The following GNAL variants were observed in gnomAD, a reference collection of about 807,000 sequenced individuals.
GNAL encodes the protein guanine nucleotide-binding protein G(olf) subunit alpha.
Under a neutral mutation model 55.1 loss-of-function variants are expected in GNAL, and 18 were observed. The observed-to-expected ratio is 0.33, with a 90% CI of 0.23 to 0.48. GNAL has a LOEUF of 0.48. Ranked by LOEUF, GNAL falls within the 20% of genes least tolerant of loss-of-function variation. GNAL has a pLI of 0.99. For missense variants in GNAL, 412 were observed against 614.1 expected, an observed-to-expected ratio of 0.67 and a Z score of 3.48; for synonymous variants, 253 against 237.0, an observed-to-expected ratio of 1.07 and a Z score of -0.62.
rs752770940 is a variant in GNAL at position 11,738,348 on chromosome 18, T to A, written c.377-14505T>A. ...TGTCTTAACTTCTTGTAGCATGCAT[T>A]GGCCAGGCCAGGTCTGCTGTGGGCA... On this transcript the variant is annotated intron_variant, in intron 1 of 11. Transcript: ENST00000334049. Among the ~76,000 whole-genome samples the A allele has an allele frequency of 1.1e-3, 162 of 152,074 alleles. 1 individual carries two copies. Among genetic ancestry groups the A allele is most frequent in the Non-Finnish European group, 2.0e-3 (136 of 67,978 alleles).
chr18:11,821,945 C>T (rs1191293947), intron 4 of GNAL, among the ~76,000 whole-genome samples: 1 of 152,244 alleles, frequency 6.6e-6, no homozygotes, highest in Non-Finnish European at 1.5e-5. Flanking sequence ...CCAGAACGCG[C>T]CCAGGCCATG....
chr18:11,755,156 A>G (rs894098275), intron 4 of GNAL, among the ~76,000 whole-genome samples: 3 of 152,202 alleles, frequency 2.0e-5, no homozygotes, highest in African/African-American at 7.2e-5. Flanking sequence ...TGTAAAACAG[A>G]GAGACCCCGC....
At chr18:11,851,311 A>T in intron 5 of GNAL, 1 of 602,430 alleles carries the variant, frequency 1.7e-6, no homozygotes, top group Non-Finnish European at 2.7e-6. Context: ...CTTACGTCCC[A>T]CAGGCCCCAC....
At chr18:11,720,882 T>C (rs2143401718) in intron 1 of GNAL, among the ~76,000 whole-genome samples, 1 of 152,372 alleles carries the variant, frequency 6.6e-6, no homozygotes, top group Middle Eastern at 3.4e-3. Flanking sequence ...ACATTGTTTA[T>C]GATTCAAGCA....
At chr18:11,823,987 A>G (rs1289317013) in intron 4 of GNAL, among the ~76,000 whole-genome samples, 1 of 152,226 alleles carries the variant, frequency 6.6e-6, no homozygotes, top group Non-Finnish European at 1.5e-5. Context: ...TAATAGGTGA[A>G]GTTGAGCACA....
At chr18:11,838,593 T>C (rs986543602) in intron 5 of GNAL, among the ~76,000 whole-genome samples, 2 of 152,204 alleles carry the variant, frequency 1.3e-5, no homozygotes, top group African/African-American at 4.8e-5. Context: ...TAAAATTAAT[T>C]TGGAGACTCC....
intron 4 of GNAL, among the ~76,000 whole-genome samples, chr18:11,796,597 A>AAAAAAC (rs2034394955): frequency 7.0e-6 from 1 of 143,340 alleles, no homozygotes; most frequent in African/African-American, 2.6e-5. Flanking sequence ...AAAAAAAAAC[A>AAAAAAC]AAACACGCAA....
At chr18:11,811,459 C>T (rs1313982429) in intron 4 of GNAL, 1 of 152,262 alleles carries the variant, frequency 6.6e-6, no homozygotes, top group Non-Finnish European at 1.5e-5. Flanking sequence ...ACTGGATTAT[C>T]CCTTGGACCA....
At chr18:11,727,239 T>G (rs2032233926) in intron 1 of GNAL, among the ~76,000 whole-genome samples, 1 of 152,196 alleles carries the variant, frequency 6.6e-6, no homozygotes, top group African/African-American at 2.4e-5. Flanking sequence ...TCTCTGCTGC[T>G]CTCCATCTGG....
chr18:11,703,264 G>A (rs528484299), intron 1 of GNAL, among the ~76,000 whole-genome samples: 94 of 152,360 alleles, frequency 6.2e-4, no homozygotes, highest in Non-Finnish European at 1.2e-3. Flanking sequence ...AGAACGCTCC[G>A]CACGTTGTGC....
At chr18:11,832,140 TG>T (rs1357237568) in intron 5 of GNAL, among the ~76,000 whole-genome samples, 1 of 151,756 alleles carries the variant, frequency 6.6e-6, no homozygotes, top group Admixed American at 6.6e-5. Context: ...ACGGTTATTT[TG>T]GGAGAAAGAA....
intron 4 of GNAL, among the ~76,000 whole-genome samples, chr18:11,774,000 A>G (rs956988230): frequency 1.3e-5 from 2 of 152,186 alleles, no homozygotes; most frequent in Non-Finnish European, 2.9e-5. Context: ...GGGGATAATA[A>G]TAATAATGCC....
At chr18:11,709,607 C>G (rs2031791974) in intron 1 of GNAL, among the ~76,000 whole-genome samples, 2 of 151,956 alleles carry the variant, frequency 1.3e-5, no homozygotes, top group South Asian at 2.1e-4. Context: ...TCAGATAGTT[C>G]ATTGTTTGTA....
chr18:11,740,201 AT>A (rs1208902622), intron 1 of GNAL, among the ~76,000 whole-genome samples: 1 of 151,994 alleles, frequency 6.6e-6, no homozygotes, highest in Admixed American at 6.6e-5. Context: ...ATCATCCCAC[AT>A]TTGGCCAAAT....
At chr18:11,754,079 G>A (rs1347140784) in intron 4 of GNAL, 134 bp downstream of exon 4, 1 of 701,888 alleles carries the variant, frequency 1.4e-6, no homozygotes, top group Non-Finnish European at 2.5e-6. Flanking sequence ...AAATGCATAA[G>A]AGGAATACTT....
chr18:11,788,646 C>CG (rs1251709715), intron 4 of GNAL, among the ~76,000 whole-genome samples: 1 of 151,750 alleles, frequency 6.6e-6, no homozygotes, highest in Non-Finnish European at 1.5e-5. Context: ...CGGAGGCAGG[C>CG]GGATCACCTG....
chr18:11,700,272 T>TA (rs2031534665), intron 1 of GNAL, among the ~76,000 whole-genome samples: 2 of 152,222 alleles, frequency 1.3e-5, no homozygotes, highest in Admixed American at 1.3e-4. Context: ...GGTTTATGAA[T>TA]AAAAAAGCAT....
chr18:11,758,076 T>G (rs796463737), intron 4 of GNAL, among the ~76,000 whole-genome samples: 3 of 152,080 alleles, frequency 2.0e-5, no homozygotes, highest in African/African-American at 7.2e-5. Flanking sequence ...AGGGCTGGAA[T>G]CACTTGGTAA....
At chr18:11,835,918 G>C (rs1339875794) in intron 5 of GNAL, among the ~76,000 whole-genome samples, 1 of 152,172 alleles carries the variant, frequency 6.6e-6, no homozygotes, top group Non-Finnish European at 1.5e-5. Flanking sequence ...GCCAAGGCAG[G>C]AGTACTGCTT....
Sources: allele counts gnomAD v4.1 joint callset (sites outside exome capture counted in the v4.1 genomes callset), GRCh38; gene constraint gnomAD v4.1.1; transcripts MANE v1.5; gene names NCBI Gene and HGNC (gene_info 2026-07-23, HGNC 2026-07-21).